Variants in KDM2B observed in about 807,000 individuals in gnomAD.
The protein encoded by KDM2B is lysine demethylase 2B, also known as lysine-specific demethylase 2B.
In KDM2B, 26 loss-of-function variants were observed where a neutral mutation model predicts 150.0. That is an observed-to-expected ratio of 0.17 (90% CI 0.13 to 0.24). KDM2B has a LOEUF of 0.24. Ranked by LOEUF, KDM2B falls within the 10% of genes least tolerant of loss-of-function variation. The probability of loss-of-function intolerance (pLI) is 1.00; values close to 1 mark genes in which losing one functional copy is unlikely to be tolerated. For synonymous variants in KDM2B, 734 were observed against 729.5 expected, an observed-to-expected ratio of 1.01 and a Z score of -0.10; for missense variants, 1,265 against 1,816.9, an observed-to-expected ratio of 0.70 and a Z score of 5.52.
At chr12:121,463,016 C>CAAA (rs376231867) in intron 12 of KDM2B, among the ~76,000 whole-genome samples, 2 of 119,562 alleles carry the variant, frequency 1.7e-5, no homozygotes, top group Admixed American at 8.3e-5. Flanking sequence ...CCTGCCTCAG[C>CAAA]AAAAAAAAAA....
chr12:121,579,790 T>G, intron 1 of KDM2B: 1 of 1,190,722 alleles, frequency 8.4e-7, no homozygotes, highest in Non-Finnish European at 1.1e-6. Flanking sequence ...CTTTCCCCGA[T>G]ACCACCTCCC....
the KDM2B span, chr12:121,418,185 C>G: frequency 7.4e-6 from 3 of 404,172 alleles, no homozygotes; most frequent in South Asian, 1.2e-4. Context: ...CACAGTTAGA[C>G]ACTAACTGTT....
intron 4 of KDM2B, among the ~76,000 whole-genome samples, chr12:121,568,588 AAAG>A: frequency 6.6e-6 from 1 of 152,272 alleles, no homozygotes; most frequent in Admixed American, 6.5e-5. Context: ...GCCAAAAACT[AAAG>A]AAGACATCCT....
intron 12 of KDM2B, among the ~76,000 whole-genome samples, chr12:121,471,023 C>T (rs931191838): frequency 6.6e-6 from 1 of 152,174 alleles, no homozygotes; most frequent in Non-Finnish European, 1.5e-5. Context: ...TCTCTATTTC[C>T]CTAAAGCAAA....
chr12:121,511,055 G>T (rs1885540197), intron 10 of KDM2B, among the ~76,000 whole-genome samples: 1 of 150,600 alleles, frequency 6.6e-6, no homozygotes, highest in African/African-American at 2.4e-5. Context: ...CTGTCACCCA[G>T]GCTGGAGTGC....
chr12:121,559,649 C>T (rs908760756), intron 4 of KDM2B, among the ~76,000 whole-genome samples: 1 of 152,020 alleles, frequency 6.6e-6, no homozygotes, highest in Admixed American at 6.5e-5. Flanking sequence ...GCCTGTAATC[C>T]CAGCACTTTG....
At chr12:121,456,554 T>C (rs982159687) in intron 12 of KDM2B, among the ~76,000 whole-genome samples, 22 of 151,674 alleles carry the variant, frequency 1.5e-4, no homozygotes, top group African/African-American at 5.3e-4. Context: ...AGCTGGAGAG[T>C]CTAAAGACGA....
rs149933507 is a variant in KDM2B, at chr12:121,552,425, C to T, written c.398-2787G>A. Among the ~76,000 whole-genome samples, 769 of 152,246 alleles carry T rather than the reference C, an allele frequency of 5.1e-3. 5 individuals carry two copies. Among genetic ancestry groups the T allele is most frequent in the African/African-American group, 0.018 (736 of 41,544 alleles). ...CAGTGGCTCATGCCTGTAATCCCAG[C>T]ACTTTTGGAGGCCGAGATGGGTGGA... On this transcript the variant is annotated intron_variant, in intron 4 of 22. Coordinates refer to ENST00000377071, the MANE Select transcript of KDM2B (RefSeq NM_032590.5).
At chr12:121,511,647 A>G (rs1012832010) in intron 10 of KDM2B, among the ~76,000 whole-genome samples, 11 of 152,222 alleles carry the variant, frequency 7.2e-5, no homozygotes, top group African/African-American at 2.7e-4. Flanking sequence ...GCGGTGATGA[A>G]AATGTGAAAT....
intron 4 of KDM2B, among the ~76,000 whole-genome samples, chr12:121,555,447 A>G (rs1190661989): frequency 1.3e-5 from 2 of 152,186 alleles, no homozygotes; most frequent in African/African-American, 4.8e-5. Context: ...ATCTCAGCAC[A>G]CTGCAACCTC....
intron 6 of KDM2B, among the ~76,000 whole-genome samples, chr12:121,538,227 G>T (rs1411672313): frequency 3.3e-5 from 5 of 151,964 alleles, no homozygotes; most frequent in Non-Finnish European, 5.9e-5. Flanking sequence ...GACGCCCCTC[G>T]CCCGGCCGGT....
chr12:121,508,355 G>A (rs1408160199), intron 11 of KDM2B, among the ~76,000 whole-genome samples: 2 of 152,144 alleles, frequency 1.3e-5, no homozygotes, highest in African/African-American at 4.8e-5. Flanking sequence ...CCAAAGTGCT[G>A]GGATTAAGGC....
intron 4 of KDM2B, among the ~76,000 whole-genome samples, chr12:121,562,138 C>G (rs1890384344): frequency 6.6e-6 from 1 of 150,972 alleles, no homozygotes; most frequent in Admixed American, 6.6e-5. Flanking sequence ...CCACTGCACT[C>G]CAACATGGGT....
chr12:121,459,102 AGAC>A (rs1174572229), intron 12 of KDM2B, among the ~76,000 whole-genome samples: 1 of 151,462 alleles, frequency 6.6e-6, no homozygotes, highest in Admixed American at 6.6e-5. Flanking sequence ...AAAAAAAAAA[AGAC>A]ACACACTTTC....
intron 11 of KDM2B, among the ~76,000 whole-genome samples, chr12:121,501,673 T>A (rs559788711): frequency 2.9e-4 from 44 of 152,194 alleles, no homozygotes; most frequent in Non-Finnish European, 5.9e-4. Flanking sequence ...CAGGCTGGAG[T>A]GCAGTGGCAC....
At chr12:121,581,487 C>A (rs1413522718), upstream of KDM2B, among the ~76,000 whole-genome samples, 1 of 152,224 alleles carries the variant, frequency 6.6e-6, no homozygotes, top group Admixed American at 6.5e-5. Context: ...GTCCTCCCAT[C>A]ATGAGCAACA....
At chr12:121,417,551 C>G in the KDM2B span, 1 of 1,614,106 alleles carries the variant, frequency 6.2e-7, no homozygotes, top group South Asian at 1.1e-5. This position sits in a 1 kb window ranked among gnomAD's most constrained non-coding sequence, Gnocchi z 5.0. Context: ...TTTGTTCAGT[C>G]TTACAAGAAA....
At chr12:121,545,827 C>G (rs1288125561) in intron 6 of KDM2B, among the ~76,000 whole-genome samples, 2 of 151,962 alleles carry the variant, frequency 1.3e-5, no homozygotes, top group Non-Finnish European at 2.9e-5. Flanking sequence ...TGGCCCACCC[C>G]ACACCCACCC....
chr12:121,439,784 GTT>G, intron 22 of KDM2B, 71 bp downstream of exon 22: 3 of 1,172,384 alleles, frequency 2.6e-6, no homozygotes, highest in Non-Finnish European at 2.5e-6. Context: ...CACACGAATC[GTT>G]TTCCACAAAT....
Sources: allele counts gnomAD v4.1 joint callset (sites outside exome capture counted in the v4.1 genomes callset), GRCh38; gene constraint gnomAD v4.1.1; non-coding constraint Gnocchi (gnomAD v3.1); transcripts MANE v1.5; gene names NCBI Gene and HGNC (gene_info 2026-07-23, HGNC 2026-07-21).